Variants in NALF1 observed in about 807,000 individuals in gnomAD.
The protein encoded by NALF1 is family with sequence similarity 155 member A.
Under a neutral mutation model 48.4 loss-of-function variants are expected in NALF1, and 3 were observed. The observed-to-expected ratio is 0.06, with a 90% CI of 0.03 to 0.16. The LOEUF (loss-of-function observed/expected upper bound fraction) is 0.16, where lower values mean the gene tolerates loss of function less well. Among genes scored for constraint, NALF1 ranks in the 10% least tolerant of loss-of-function variants. The pLI is 1.00. For missense variants in NALF1, 526 were observed against 571.5 expected (o/e 0.92, Z 0.81); for synonymous variants, 262 against 245.7 (o/e 1.07, Z -0.62).
chr13:107,254,614 T>C (rs1475362391), intron 1 of NALF1, among the ~76,000 whole-genome samples: 1 of 152,190 alleles, frequency 6.6e-6, no homozygotes, highest in Non-Finnish European at 1.5e-5. Flanking sequence ...ATATTTGGTA[T>C]CTGCCCACTT....
intron 1 of NALF1, among the ~76,000 whole-genome samples, chr13:107,768,177 A>G (rs1424620423): frequency 1.3e-5 from 2 of 152,212 alleles, no homozygotes; most frequent in Non-Finnish European, 2.9e-5. Flanking sequence ...TCCTAGGATT[A>G]TTTTGAGAAT....
At chr13:107,615,445 C>G (rs1879354832) in intron 1 of NALF1, among the ~76,000 whole-genome samples, 2 of 152,154 alleles carry the variant, frequency 1.3e-5, no homozygotes, top group Admixed American at 1.3e-4. Context: ...TTCACAAACC[C>G]TGCATGAATT....
chr13:107,446,229 G>GC (rs2139030744), intron 1 of NALF1, among the ~76,000 whole-genome samples: 1 of 152,214 alleles, frequency 6.6e-6, no homozygotes, highest in East Asian at 1.9e-4. Flanking sequence ...GAGCCACTGC[G>GC]CCCGGCTCAC....
chr13:107,325,851 C>CATATAT (rs1409352115), intron 1 of NALF1, among the ~76,000 whole-genome samples: 627 of 51,252 alleles, frequency 0.012, 7 homozygotes, highest in African/African-American at 0.021. Flanking sequence ...AACACACACA[C>CATATAT]ACACATATAT....
At chr13:107,840,605 T>C (rs1880017796) in intron 1 of NALF1, among the ~76,000 whole-genome samples, 1 of 152,206 alleles carries the variant, frequency 6.6e-6, no homozygotes, top group Admixed American at 6.5e-5. Context: ...GTGTACTTGG[T>C]CTCACTGACA....
chr13:107,238,007 C>A (rs965674242), intron 1 of NALF1, among the ~76,000 whole-genome samples: 2 of 152,076 alleles, frequency 1.3e-5, no homozygotes, highest in African/African-American at 4.8e-5. Context: ...TAAAATCTCC[C>A]ATAAGGGACA....
At chr13:107,278,650 T>G (rs932857830) in intron 1 of NALF1, among the ~76,000 whole-genome samples, 3 of 152,206 alleles carry the variant, frequency 2.0e-5, no homozygotes, top group Non-Finnish European at 2.9e-5. Context: ...TTACATAAAA[T>G]GAAACTGCTT....
intron 1 of NALF1, among the ~76,000 whole-genome samples, chr13:107,273,717 T>A (rs1338992019): frequency 1.3e-5 from 2 of 152,200 alleles, no homozygotes; most frequent in African/African-American, 4.8e-5. Flanking sequence ...ACACTACACA[T>A]ACTGTTTGAG....
At chr13:107,733,822 A>G (rs1876384551) in intron 1 of NALF1, among the ~76,000 whole-genome samples, 1 of 152,172 alleles carries the variant, frequency 6.6e-6, no homozygotes, top group Non-Finnish European at 1.5e-5. Flanking sequence ...TTCCTGGAAG[A>G]GGAAAGCATA....
chr13:107,525,684 T>A (rs140676274), intron 1 of NALF1, among the ~76,000 whole-genome samples: 2 of 152,242 alleles, frequency 1.3e-5, no homozygotes, highest in African/African-American at 4.8e-5. Flanking sequence ...TATAAGAAAT[T>A]GACAATCTGT....
intron 1 of NALF1, among the ~76,000 whole-genome samples, chr13:107,320,733 C>T (rs10047797): frequency 0.058 from 8,864 of 152,038 alleles, 435 homozygotes; most frequent in African/African-American, 0.13. Context: ...GCATTGTTAT[C>T]GATTGCAGGA....
At chr13:107,325,849 C>G (rs796204197) in intron 1 of NALF1, among the ~76,000 whole-genome samples, 1 of 52,634 alleles carries the variant, frequency 1.9e-5, no homozygotes, top group Non-Finnish European at 3.4e-5. Flanking sequence ...TCAACACACA[C>G]ACACACATAT....
At chr13:107,675,822 A>G (rs532384832) in intron 1 of NALF1, among the ~76,000 whole-genome samples, 1 of 152,332 alleles carries the variant, frequency 6.6e-6, no homozygotes, top group African/African-American at 2.4e-5. Context: ...AGATGAGGCA[A>G]GGAATGTCAC....
intron 1 of NALF1, among the ~76,000 whole-genome samples, chr13:107,669,843 C>T (rs1473535560): frequency 1.3e-5 from 2 of 152,036 alleles, no homozygotes; most frequent in African/African-American, 4.8e-5. Flanking sequence ...CAGCATCCAC[C>T]CTCCCACTTT....
chr13:107,351,206 T>C (rs971224920), intron 1 of NALF1, among the ~76,000 whole-genome samples: 4 of 152,196 alleles, frequency 2.6e-5, no homozygotes, highest in African/African-American at 7.2e-5. Context: ...CTGTACTGTA[T>C]ACTTAACAAC....
At chr13:107,565,504 T>G (rs1877785431) in intron 1 of NALF1, among the ~76,000 whole-genome samples, 2 of 151,664 alleles carry the variant, frequency 1.3e-5, no homozygotes, top group Admixed American at 6.6e-5. Flanking sequence ...AAACAAAAAC[T>G]CTATTTTCCA....
At chr13:107,222,331 G>A (rs768430261) in intron 1 of NALF1, among the ~76,000 whole-genome samples, 4 of 151,992 alleles carry the variant, frequency 2.6e-5, no homozygotes, top group Non-Finnish European at 5.9e-5. Context: ...TGTTTTAATT[G>A]TACTTGCTAA....
intron 2 of NALF1, among the ~76,000 whole-genome samples, chr13:107,187,140 T>G (rs1289393151): frequency 6.6e-6 from 1 of 152,196 alleles, no homozygotes; most frequent in Non-Finnish European, 1.5e-5. Context: ...TCTTTCATGA[T>G]TACATTGGGA....
chr13:107,207,165 T>C (rs1002714979), intron 2 of NALF1, among the ~76,000 whole-genome samples: 4 of 152,176 alleles, frequency 2.6e-5, no homozygotes, highest in African/African-American at 4.8e-5. Context: ...CCTACTCTCA[T>C]TTTTTTATTT....
Sources: allele counts gnomAD v4.1 joint callset (sites outside exome capture counted in the v4.1 genomes callset), GRCh38; gene constraint gnomAD v4.1.1; transcripts MANE v1.5; gene names NCBI Gene and HGNC (gene_info 2026-07-23, HGNC 2026-07-21).